JMJD1C: variants seen among roughly 807,000 people sequenced by gnomAD.
JMJD1C encodes the protein jumonji domain-containing protein 1C.
Under a neutral mutation model 245.3 loss-of-function variants are expected in JMJD1C, and 31 were observed. The ratio of observed to expected loss-of-function variants is 0.13; its 90% CI spans 0.09 to 0.17. JMJD1C has a LOEUF of 0.17. JMJD1C is among the 10% of genes least tolerant of loss of function. The pLI is 1.00. For missense variants in JMJD1C, 2,691 were observed against 3,000.2 expected, an observed-to-expected ratio of 0.90 and a Z score of 2.41; for synonymous variants, 1,057 against 1,017.4, an observed-to-expected ratio of 1.04 and a Z score of -0.74.
At chr10:63,461,132 G>C (rs1329375607) in intron 1 of JMJD1C, among the ~76,000 whole-genome samples, 4 of 151,978 alleles carry the variant, frequency 2.6e-5, no homozygotes, top group Non-Finnish European at 5.9e-5. Flanking sequence ...CCCACCATTG[G>C]GGCAATTTCG....
chr10:63,183,959 C>A (rs149948566), intron 21 of JMJD1C, among the ~76,000 whole-genome samples: 4 of 152,272 alleles, frequency 2.6e-5, no homozygotes, highest in African/African-American at 9.6e-5. Flanking sequence ...GAAGGAGTCT[C>A]GCTCTGTTGC....
At chr10:63,358,443 G>T (rs10822161) in intron 2 of JMJD1C, among the ~76,000 whole-genome samples, 44 of 151,448 alleles carry the variant, frequency 2.9e-4, no homozygotes, top group Non-Finnish European at 5.4e-4. Flanking sequence ...TGTACCTGTC[G>T]TCCCAGCTAC....
At chr10:63,210,982 G>A (rs1182066984) in intron 8 of JMJD1C, among the ~76,000 whole-genome samples, 1 of 152,216 alleles carries the variant, frequency 6.6e-6, no homozygotes, top group Non-Finnish European at 1.5e-5. Flanking sequence ...CAAATGTGGT[G>A]ATGCTGGTGC....
At chr10:63,342,974 T>C (rs942875905) in intron 2 of JMJD1C, among the ~76,000 whole-genome samples, 3 of 152,144 alleles carry the variant, frequency 2.0e-5, no homozygotes, top group African/African-American at 7.2e-5. Flanking sequence ...ATCTCAAGTA[T>C]ATGAAAATAT....
chr10:63,500,746 AGGATGGATGGATGGATGGAT>A lies in JMJD1C; in HGVS notation n.113+20972_113+20991del, dbSNP rs780486083. ...CTCGATGGATGGATGGATGGATGGA[AGGATGGATGGATGGATGGAT>A]GGATGGATGGATGGATGGATGGATG... On this transcript the variant is annotated intron_variant and non_coding_transcript_variant, in intron 1 of 3. Transcript: ENST00000633035. Among the ~76,000 whole-genome samples the A allele has an allele frequency of 3.2e-3, 354 of 112,206 alleles. 3 individuals are homozygous for A. In the South Asian group the frequency reaches 0.044, roughly 14 times the overall value. The allele number at this position is 112,206 out of a possible 152,430, so 73.6% of individuals were successfully genotyped here. A position where few individuals can be genotyped will look rare whatever the true frequency, so the allele number is the denominator to read the frequency against.
intron 3 of JMJD1C, among the ~76,000 whole-genome samples, chr10:63,227,126 A>G (rs1314928763): frequency 6.6e-6 from 1 of 152,140 alleles, no homozygotes; most frequent in African/African-American, 2.4e-5. Flanking sequence ...GTACTAACAT[A>G]ATTTTAGGTG....
intron 1 of JMJD1C, among the ~76,000 whole-genome samples, chr10:63,433,386 G>A (rs1039873855): frequency 4.6e-5 from 7 of 152,142 alleles, no homozygotes; most frequent in Admixed American, 3.3e-4. Context: ...TTGTGCCACC[G>A]CGCCCGGCCT....
At chr10:63,500,504 T>C (rs1021713254) in intron 1 of JMJD1C, among the ~76,000 whole-genome samples, 1 of 148,336 alleles carries the variant, frequency 6.7e-6, no homozygotes, top group Non-Finnish European at 1.5e-5. Flanking sequence ...GAGGCCAAGG[T>C]GGGTGGATCA....
At chr10:63,171,896 C>T (rs901386742) in intron 24 of JMJD1C, among the ~76,000 whole-genome samples, 2 of 152,214 alleles carry the variant, frequency 1.3e-5, no homozygotes, top group African/African-American at 4.8e-5. Context: ...AATAATGCAT[C>T]TCAAATCCAG....
chr10:63,472,847 G>A (rs938378018), intron 1 of JMJD1C, among the ~76,000 whole-genome samples: 9 of 151,166 alleles, frequency 6.0e-5, no homozygotes, highest in Admixed American at 4.6e-4. Flanking sequence ...GCAGTGGCGC[G>A]ATCATAGGAT....
chr10:63,278,345 GAATAATAATAATAAT>G (rs59676296), intron 2 of JMJD1C, among the ~76,000 whole-genome samples: 7 of 142,924 alleles, frequency 4.9e-5, no homozygotes, highest in Non-Finnish European at 7.6e-5. Flanking sequence ...AATTAAAAGA[GAATAATAATAATAAT>G]AATAATAATA....
chr10:63,196,982 T>C (rs556148863), intron 13 of JMJD1C, among the ~76,000 whole-genome samples: 2 of 151,856 alleles, frequency 1.3e-5, no homozygotes, highest in African/African-American at 2.4e-5. Flanking sequence ...ATTTTTTTTT[T>C]GTAGAGATGG....
intron 1 of JMJD1C, among the ~76,000 whole-genome samples, chr10:63,447,359 G>T (rs1364429335): frequency 6.6e-6 from 1 of 152,122 alleles, no homozygotes; most frequent in African/African-American, 2.4e-5. Flanking sequence ...GCAGGCTACA[G>T]TATCTGGAAA....
At chr10:63,182,870 G>GT (rs950019081) in intron 22 of JMJD1C, among the ~76,000 whole-genome samples, 7 of 142,820 alleles carry the variant, frequency 4.9e-5, no homozygotes, top group East Asian at 3.9e-4. Flanking sequence ...TCATTTTTTG[G>GT]TTTTTTTTGA....
rs377593350 is a variant in JMJD1C at position 63,515,234 on chromosome 10, G to C, written n.113+6504C>G. ...TCCATGTGGAGGGCTAGAGTTGACT[G>C]GAGCTGCATTTTTCCCATTCCCCAG... On this transcript the variant is annotated intron_variant and non_coding_transcript_variant, in intron 1 of 3. Transcript: ENST00000633035. 2.6e-5 allele frequency among the ~76,000 whole-genome samples: 4 copies of C among 152,164 alleles called. No homozygotes were observed. In the East Asian group the frequency reaches 5.8e-4, roughly 22 times the overall value.
chr10:63,459,848 A>C (rs1952660813), intron 1 of JMJD1C, among the ~76,000 whole-genome samples: 1 of 152,228 alleles, frequency 6.6e-6, no homozygotes, highest in South Asian at 2.1e-4. Flanking sequence ...CCCAAAATGA[A>C]AACTCCATAA....
chr10:63,442,982 T>A (rs969659370), intron 1 of JMJD1C, among the ~76,000 whole-genome samples: 3 of 152,178 alleles, frequency 2.0e-5, no homozygotes, highest in Admixed American at 1.3e-4. Context: ...CAGATTTAAG[T>A]CTCACAAGAC....
At chr10:63,178,102 G>A (rs1376663163) in intron 22 of JMJD1C, among the ~76,000 whole-genome samples, 3 of 152,068 alleles carry the variant, frequency 2.0e-5, no homozygotes, top group African/African-American at 2.4e-5. Context: ...TGTCACACCC[G>A]ACTAATTGTT....
intron 1 of JMJD1C, among the ~76,000 whole-genome samples, chr10:63,516,873 C>T (rs575089743): frequency 1.4e-4 from 22 of 152,128 alleles, no homozygotes; most frequent in Non-Finnish European, 2.5e-4. Flanking sequence ...AGTATCATTT[C>T]ATTATCATTC....
Sources: gnomAD v4.1 joint callset for allele counts (sites outside exome capture counted in the v4.1 genomes callset) on GRCh38, gnomAD v4.1.1 for gene constraint, MANE v1.5 for transcripts, NCBI Gene and HGNC (gene_info 2026-07-23, HGNC 2026-07-21) for gene names.